REPS2: variants seen among roughly 807,000 people sequenced by gnomAD.
The protein encoded by REPS2 is RALBP1 associated Eps domain containing 2.
Under a neutral mutation model 53.6 loss-of-function variants are expected in REPS2, and 23 were observed. That is an observed-to-expected ratio of 0.43 (90% confidence interval 0.31 to 0.61). REPS2 has a LOEUF of 0.61. Among genes scored for constraint, REPS2 ranks in the 20% least tolerant of loss-of-function variants. REPS2 has a pLI of 0.11. For missense variants in REPS2, 446 were observed against 534.9 expected (o/e 0.83, Z 1.64); for synonymous variants, 238 against 218.6 (o/e 1.09, Z -0.78).
At chrX:17,158,974 C>G in the REPS2 span, among the ~76,000 whole-genome samples, 6 of 112,176 alleles carry the variant, frequency 5.3e-5, no homozygotes, top group Non-Finnish European at 9.4e-5. Context: ...AGAATTTTCC[C>G]TTAGATGGCA....
chrX:17,159,654 ATGCACATCACTTAAAACAG>A, the REPS2 span, among the ~76,000 whole-genome samples: 1 of 111,546 alleles, frequency 9.0e-6, no homozygotes, highest in African/African-American at 3.3e-5. Context: ...CAGCCCCCCA[ATGCACATCACTTAAAACAG>A]TGCCTAGTAA....
At chrX:17,193,411 G>A in the REPS2 span, among the ~76,000 whole-genome samples, 172 of 111,707 alleles carry the variant, frequency 1.5e-3, no homozygotes, top group African/African-American at 4.6e-3. Flanking sequence ...TGGAATGGGA[G>A]TGGCAATGGC....
At chrX:16,971,412 A>G (rs1402432383) in intron 1 of REPS2, among the ~76,000 whole-genome samples, 1 of 112,491 alleles carries the variant, frequency 8.9e-6, no homozygotes, top group Non-Finnish European at 1.9e-5. Flanking sequence ...AATACATATA[A>G]TACATATTTT....
At chrX:17,184,722 C>T in the REPS2 span, among the ~76,000 whole-genome samples, 3 of 111,479 alleles carry the variant, frequency 2.7e-5, no homozygotes, top group Non-Finnish European at 5.7e-5. Flanking sequence ...ATTGCCATTC[C>T]AACTGGTGTG....
chrX:17,043,181 TG>T (rs894357338), intron 5 of REPS2, among the ~76,000 whole-genome samples: 13 of 110,587 alleles, frequency 1.2e-4, no homozygotes, highest in African/African-American at 4.0e-4. Flanking sequence ...GGGAAAGAGA[TG>T]GGGGGGTAGG....
At chrX:17,011,714 G>A (rs992010040) in intron 2 of REPS2, among the ~76,000 whole-genome samples, 7 of 111,312 alleles carry the variant, frequency 6.3e-5, no homozygotes, top group Non-Finnish European at 1.3e-4. Context: ...CCAGGAGTTC[G>A]GGACCAGCCC....
chrX:17,043,527 C>G (rs1302349848), intron 5 of REPS2, among the ~76,000 whole-genome samples: 1 of 106,938 alleles, frequency 9.4e-6, no homozygotes, highest in Non-Finnish European at 1.9e-5. Flanking sequence ...GCTTTGTGTC[C>G]TTTCTGTACC....
chrX:16,951,565 G>A (rs1043991394), intron 1 of REPS2, among the ~76,000 whole-genome samples: 10 of 59,401 alleles, frequency 1.7e-4, no homozygotes, highest in East Asian at 7.1e-4. Flanking sequence ...ACACACCCCC[G>A]CTACCTACCT....
chrX:16,970,300 G>A (rs1387575537), intron 1 of REPS2, among the ~76,000 whole-genome samples: 5 of 109,233 alleles, frequency 4.6e-5, no homozygotes, highest in Admixed American at 2.0e-4. Flanking sequence ...GGGTTCAAGC[G>A]ATTCTCCTGT....
intron 11 of REPS2, among the ~76,000 whole-genome samples, chrX:17,073,439 G>T (rs183652600): frequency 1.8e-5 from 2 of 112,191 alleles, no homozygotes; most frequent in Non-Finnish European, 3.8e-5. Context: ...TTGTGATGGG[G>T]AAGAAGGCTG....
chrX:17,189,223 C>G, the REPS2 span, among the ~76,000 whole-genome samples: 3 of 106,873 alleles, frequency 2.8e-5, no homozygotes, highest in Non-Finnish European at 6.0e-5. Context: ...TTCTCTGTAT[C>G]TCTCTAAAGG....
At chrX:17,017,223 C>T (rs1480381039) in intron 2 of REPS2, among the ~76,000 whole-genome samples, 1 of 111,135 alleles carries the variant, frequency 9.0e-6, no homozygotes, top group Non-Finnish European at 1.9e-5. Context: ...CTACCTACCT[C>T]GGCCTCCCAA....
chrX:17,144,853 T>C (rs1733115182), intron 17 of REPS2, among the ~76,000 whole-genome samples: 1 of 111,844 alleles, frequency 8.9e-6, no homozygotes, highest in Non-Finnish European at 1.9e-5. Context: ...GAACTCACAC[T>C]AATTCCAGGA....
intron 1 of REPS2, among the ~76,000 whole-genome samples, chrX:16,997,142 A>G (rs1425196845): frequency 8.9e-6 from 1 of 112,329 alleles, no homozygotes; most frequent in Non-Finnish European, 1.9e-5. Context: ...CTGTACAAAA[A>G]TTCTGTGATA....
intron 14 of REPS2, among the ~76,000 whole-genome samples, chrX:17,128,392 A>G (rs936699672): frequency 4.7e-5 from 5 of 105,351 alleles, no homozygotes; most frequent in Admixed American, 1.0e-4. Context: ...GTCAGTCATT[A>G]TAGGCTGCTG....
chrX:17,087,677 G>A (rs969825794), intron 13 of REPS2, among the ~76,000 whole-genome samples: 2 of 111,779 alleles, frequency 1.8e-5, no homozygotes, highest in Non-Finnish European at 3.8e-5. Context: ...GCTCATGCCT[G>A]TAATCTCAGC....
At chrX:17,027,687 A>C (rs1602722931) in intron 4 of REPS2, among the ~76,000 whole-genome samples, 2 of 66,321 alleles carry the variant, frequency 3.0e-5, no homozygotes, top group Non-Finnish European at 2.8e-5. Context: ...TTTTTTGTAC[A>C]CCTCCCCTTG....
chrX:16,966,568 TTGAC>T (rs776017442), intron 1 of REPS2, among the ~76,000 whole-genome samples: 1 of 112,606 alleles, frequency 8.9e-6, no homozygotes, highest in African/African-American at 3.2e-5. Context: ...AAACAAAATT[TTGAC>T]TGTGTTTTGA....
intron 1 of REPS2, among the ~76,000 whole-genome samples, chrX:16,958,180 G>A (rs2060619598): frequency 9.0e-6 from 1 of 111,404 alleles, no homozygotes; most frequent in South Asian, 3.8e-4. Context: ...TGTAAAAACG[G>A]GGAGTTTCCT....
Sources: gnomAD v4.1 joint callset for allele counts (sites outside exome capture counted in the v4.1 genomes callset) on GRCh38, gnomAD v4.1.1 for gene constraint, MANE v1.5 for transcripts, NCBI Gene and HGNC (gene_info 2026-07-23, HGNC 2026-07-21) for gene names.